The following ECM2 variants were observed in gnomAD, a reference collection of about 807,000 sequenced individuals.
The protein encoded by ECM2 is extracellular matrix protein 2, female organ and adipocyte specific.
ECM2 carries 57 observed loss-of-function variants against 67.5 expected under a neutral mutation model. The ratio of observed to expected loss-of-function variants is 0.84; its 90% CI spans 0.68 to 1.05. ECM2 has a LOEUF of 1.05. ECM2 is among the 50% of genes least tolerant of loss of function. The pLI is 0.00. For missense variants in ECM2, 741 were observed against 822.8 expected, an observed-to-expected ratio of 0.90 and a Z score of 1.22; for synonymous variants, 258 against 294.5, an observed-to-expected ratio of 0.88 and a Z score of 1.27.
In ECM2 at chr9:92,533,303, C is replaced by CAAA. The variant is rs1174584000; in HGVS notation, c.-28+2627_-28+2629dup. On this transcript the variant is annotated intron_variant, in intron 1 of 9. Transcript: ENST00000344604. ...CGATAGAGTGAGACTCGGTCTCAAA[C>CAAA]AAAAAAAAAAAAAAAAAAAAAAAAA... Among the ~76,000 whole-genome samples the CAAA allele has an allele frequency of 1.4e-3, 43 of 29,882 alleles. 4 individuals are homozygous for CAAA. Among genetic ancestry groups the CAAA allele is most frequent in the Non-Finnish European group, 2.0e-3 (36 of 17,870 alleles). The allele number at this position is 29,882 out of a possible 152,430, so 19.6% of individuals were successfully genotyped here.
chr9:92,510,135 C>T, intron 5 of ECM2, 101 bp from the exon 6 acceptor site: 1 of 1,364,130 alleles, frequency 7.3e-7, no homozygotes, highest in Non-Finnish European at 9.8e-7. Flanking sequence ...ACCTATCCTT[C>T]CTTAGGCTTA....
At position 92,501,520 on chromosome 9, in the gene ECM2, A is replaced by G. The variant is rs951293341; in HGVS notation, c.1605-467T>C. On this transcript the variant is annotated intron_variant, in intron 8 of 9. Coordinates refer to ENST00000344604, the MANE Select transcript of ECM2 (RefSeq NM_001393.4). The stretch of plus-strand genomic sequence containing the variant: ...ACATTTTCATTCCACATTTGATTTG[A>G]TGACCTGGCACACCTGGGACTTGAG... Among the ~76,000 whole-genome samples the G allele has an allele frequency of 5.9e-5, 9 of 152,092 alleles. No homozygotes were observed. In the East Asian group the frequency reaches 1.7e-3, roughly 29 times the overall value.
chr9:92,555,037 T>C, the ECM2 span, among the ~76,000 whole-genome samples: 1 of 151,452 alleles, frequency 6.6e-6, no homozygotes, highest in South Asian at 2.1e-4. Context: ...GTTGTTGTTG[T>C]TGTGTCCTTT....
intron 1 of ECM2, among the ~76,000 whole-genome samples, chr9:92,523,139 G>A (rs1180353057): frequency 6.6e-6 from 1 of 151,700 alleles, no homozygotes; most frequent in African/African-American, 2.4e-5. Flanking sequence ...GGAGTGCAGT[G>A]GTTCAGTCAT....
chr9:92,496,121 A>C lies in ECM2; in HGVS notation c.*194T>G. 8.2e-7 allele frequency: 1 copy of C among 1,218,400 alleles called. No individual in the cohort carries two copies. The highest frequency in any genetic ancestry group is 4.2e-5 in the East Asian group (1 of 23,920). The allele number at this position is 1,218,400 out of a possible 1,614,324, so 75.5% of individuals were successfully genotyped here. A position where few individuals can be genotyped will look rare whatever the true frequency, so the allele number is the denominator to read the frequency against. ...TAGGAAACTGAGAGATTTTACCTTTACTATTAATAAAACTCCTAGAGACTA... is the reference window on the plus strand; with the variant it reads ...TAGGAAACTGAGAGATTTTACCTTTCCTATTAATAAAACTCCTAGAGACTA... On this transcript the variant is annotated 3_prime_UTR_variant, in exon 10 of 10. Coordinates refer to ENST00000344604, the MANE Select transcript of ECM2 (RefSeq NM_001393.4).
intron 2 of ECM2, among the ~76,000 whole-genome samples, chr9:92,518,325 A>G (rs11788511): frequency 0.11 from 17,479 of 152,230 alleles, 1,097 homozygotes; most frequent in Middle Eastern, 0.15. Flanking sequence ...CAAATCACAC[A>G]TGAGCTCTTA....
Position 92,496,470 on chromosome 9 carries a change from C to G in ECM2, c.1945G>C (p.Glu649Gln). ...TCCTCTTCAGCATTGCAAATTTCTT[C>G]TGGAAGAATGTTCCTAAGGAAAAAT... ...NNNKIRNILP[E>Q]EICNAEEDDD... Residue 649 changes from glutamate to glutamine, a missense_variant, in exon 10 of 10, where the codon GAA (glutamate) becomes CAA (glutamine). Physicochemically the swap from Glu to Gln is conservative, Grantham distance 29. Transcript: ENST00000344604. The G allele has an allele frequency of 6.2e-7, 1 of 1,609,152 alleles. No homozygotes were observed. Among genetic ancestry groups the G allele is most frequent in the Non-Finnish European group, 8.5e-7 (1 of 1,178,890 alleles).
At position 92,496,019 on chromosome 9, in the gene ECM2, TA is replaced by T; in HGVS notation, c.*295del. 1 of 1,009,104 alleles carries T rather than the reference TA, an allele frequency of 9.9e-7. No homozygotes were observed. Among genetic ancestry groups the T allele is most frequent in the Non-Finnish European group, 1.2e-6 (1 of 846,218 alleles). The allele number at this position is 1,009,104 out of a possible 1,614,324, so 62.5% of individuals were successfully genotyped here. On this transcript the variant is annotated 3_prime_UTR_variant, in exon 10 of 10. Transcript: ENST00000344604. ...TCAAGTTGATTATAAAGGCTGTGTT[TA>T]TTTTGTTCCAGACTCTTCTGGTCTA...
At chr9:92,553,062 T>C in the ECM2 span, among the ~76,000 whole-genome samples, 12 of 152,220 alleles carry the variant, frequency 7.9e-5, no homozygotes, top group Admixed American at 6.5e-5. Flanking sequence ...TTTAAGTCTT[T>C]AATCCATCTT....
intron 2 of ECM2, among the ~76,000 whole-genome samples, chr9:92,520,912 T>TTATG (rs1286822194): frequency 1.3e-5 from 2 of 152,170 alleles, no homozygotes; most frequent in African/African-American, 4.8e-5. Flanking sequence ...AATAGGCAAA[T>TTATG]TCATAGAGAC....
At chr9:92,517,356 C>A (rs1847792960) in intron 3 of ECM2, 1 of 480,298 alleles carries the variant, frequency 2.1e-6, no homozygotes, top group African/African-American at 2.0e-5. Flanking sequence ...ACATATAGAC[C>A]AAAGCAGAGC....
At chr9:92,539,345 T>C (rs13296623), upstream of ECM2, among the ~76,000 whole-genome samples, 59,181 of 111,098 alleles carry the variant, frequency 0.53, 14,764 homozygotes, top group African/African-American at 0.73. Context: ...CTTCCCCCGC[T>C]CCCCCACCCC....
rs1244538384 is a variant in ECM2 at position 92,509,888 on chromosome 9, A to G, written c.1306+11T>C. On this transcript the variant is annotated intron_variant, in intron 6 of 9. Transcript: ENST00000344604. ...AAGGAAGCATATCATTGAAAAACAA[A>G]TATTAAATACCTGATAAACTTTCTT... The G allele has an allele frequency of 6.3e-7, 1 of 1,595,924 alleles. No individual in the cohort carries two copies. The highest frequency in any genetic ancestry group is 8.5e-7 in the Non-Finnish European group (1 of 1,176,006).
At chr9:92,543,662 T>G in the ECM2 span, among the ~76,000 whole-genome samples, 1 of 152,140 alleles carries the variant, frequency 6.6e-6, no homozygotes, top group South Asian at 2.1e-4. Flanking sequence ...CTAACAATAT[T>G]AATGCTTCTA....
At chr9:92,543,906 A>C in the ECM2 span, among the ~76,000 whole-genome samples, 1 of 152,198 alleles carries the variant, frequency 6.6e-6, no homozygotes, top group Non-Finnish European at 1.5e-5. Context: ...AACTTTATTG[A>C]ATTCATTTAT....
rs116633822 is a variant in ECM2, at chr9:92,516,358, C to T, written c.482-1155G>A. Among the ~76,000 whole-genome samples, 506 of 152,268 alleles carry T rather than the reference C, an allele frequency of 3.3e-3. 6 individuals are homozygous for T. The highest frequency in any genetic ancestry group is 0.01 in the Middle Eastern group (3 of 294). On this transcript the variant is annotated intron_variant, in intron 3 of 9. Transcript: ENST00000344604. ...GATTACAGGTGTGAGCTACCGTGCC[C>T]AGCCAGAGTGCATACGTTTTCTTCC...
At chr9:92,511,120 CTTCTT>C (rs957598769) in intron 5 of ECM2, among the ~76,000 whole-genome samples, 10 of 152,016 alleles carry the variant, frequency 6.6e-5, no homozygotes, top group Non-Finnish European at 1.3e-4. Flanking sequence ...TGAATTCTCT[CTTCTT>C]TTCTCCTTTT....
the ECM2 span, among the ~76,000 whole-genome samples, chr9:92,544,307 C>A: frequency 6.6e-6 from 1 of 152,182 alleles, no homozygotes; most frequent in Non-Finnish European, 1.5e-5. Context: ...AAAATCCCGT[C>A]TCTACTAAAA....
At chr9:92,549,690 T>G in the ECM2 span, among the ~76,000 whole-genome samples, 1 of 151,976 alleles carries the variant, frequency 6.6e-6, no homozygotes, top group Non-Finnish European at 1.5e-5. Context: ...GACATTCTAT[T>G]GAGAATTTTG....
Sources: allele counts gnomAD v4.1 joint callset (sites outside exome capture counted in the v4.1 genomes callset), GRCh38; gene constraint gnomAD v4.1.1; transcripts MANE v1.5; gene names NCBI Gene and HGNC (gene_info 2026-07-23, HGNC 2026-07-21).